TRPC4AP: variants seen among roughly 807,000 people sequenced by gnomAD.
The protein encoded by TRPC4AP is short transient receptor potential channel 4-associated protein.
A neutral mutation model predicts 99.0 loss-of-function variants in TRPC4AP; 45 were observed. That is an observed-to-expected ratio of 0.45 (90% CI 0.36 to 0.58). The LOEUF (loss-of-function observed/expected upper bound fraction) is 0.58, where lower values mean the gene tolerates loss of function less well. TRPC4AP is among the 20% of genes least tolerant of loss of function. TRPC4AP has a pLI of 0.00. For missense variants in TRPC4AP, 879 were observed against 985.3 expected (o/e 0.89, Z 1.44); for synonymous variants, 408 against 385.8 (o/e 1.06, Z -0.67).
intron 3 of TRPC4AP, among the ~76,000 whole-genome samples, chr20:35,068,984 A>AAC (rs1555914268): frequency 0.12 from 17,489 of 140,208 alleles, 1,438 homozygotes; most frequent in Non-Finnish European, 0.17. Flanking sequence ...CACACAAAAA[A>AAC]AACAAAACAT....
intron 4 of TRPC4AP, among the ~76,000 whole-genome samples, chr20:35,056,858 C>T (rs868702418): frequency 6.6e-6 from 1 of 150,884 alleles, no homozygotes; most frequent in Non-Finnish European, 1.5e-5. Flanking sequence ...TGGTGGTGGG[C>T]GCCTGTAATC....
intron 8 of TRPC4AP, among the ~76,000 whole-genome samples, chr20:35,028,901 T>C (rs1306361816): frequency 6.6e-6 from 1 of 150,836 alleles, no homozygotes; most frequent in African/African-American, 2.4e-5. Flanking sequence ...GGTTTCACCC[T>C]GTTATTATCA....
chr20:35,010,872 CACAGCTTCCCACTG>C, intron 11 of TRPC4AP, among the ~76,000 whole-genome samples: 1 of 152,330 alleles, frequency 6.6e-6, no homozygotes, highest in African/African-American at 2.4e-5. Flanking sequence ...AAAACACTTC[CACAGCTTCCCACTG>C]CATTTAGAAC....
intron 6 of TRPC4AP, among the ~76,000 whole-genome samples, chr20:35,048,011 A>G (rs970038274): frequency 6.6e-6 from 1 of 151,980 alleles, no homozygotes; most frequent in Non-Finnish European, 1.5e-5. Context: ...GTTTCCACTG[A>G]TACACACACT....
intron 7 of TRPC4AP, 73 bp downstream of exon 7, chr20:35,044,432 G>C (rs1051713846): frequency 8.3e-7 from 1 of 1,201,126 alleles, no homozygotes; most frequent in Non-Finnish European, 1.1e-6. Flanking sequence ...AAAAGAAAAA[G>C]AAAAAAAACT....
intron 17 of TRPC4AP, 113 bp downstream of exon 17, chr20:35,004,344 TG>T: frequency 2.4e-6 from 2 of 839,688 alleles, no homozygotes; most frequent in Non-Finnish European, 3.9e-6. Context: ...TCAGAAGAGC[TG>T]GGTCTCCAGA....
intron 9 of TRPC4AP, 114 bp downstream of exon 9, chr20:35,021,076 G>A (rs1218119063): frequency 8.6e-7 from 1 of 1,167,502 alleles, no homozygotes; most frequent in Non-Finnish European, 1.2e-6. Flanking sequence ...CCTATGCTTT[G>A]CCAGGCTAAA....
At position 35,024,825 on chromosome 20, in the gene TRPC4AP, C is replaced by CCAAAAAAAAAAAAAAAA. The variant is rs1555904985; in HGVS notation, c.1052-3470_1052-3469insTTTTTTTTTTTTTTTTG. Among the ~76,000 whole-genome samples the CCAAAAAAAAAAAAAAAA allele has an allele frequency of 6.1e-4, 22 of 35,870 alleles. 4 individuals are homozygous for CCAAAAAAAAAAAAAAAA. Among genetic ancestry groups the CCAAAAAAAAAAAAAAAA allele is most frequent in the African/African-American group, 1.3e-3 (11 of 8,752 alleles). The allele number at this position is 35,870 out of a possible 152,430, so 23.5% of individuals were successfully genotyped here. ...CCTAGGTGACAGAGAGAGACCGTCT[C>CCAAAAAAAAAAAAAAAA]AAAAAAAAAAAAAAAAAAAAAAAAA... On this transcript the variant is annotated intron_variant, in intron 8 of 18. Transcript: ENST00000252015.
Position 35,092,643 on chromosome 20 carries a change from T to A in TRPC4AP, c.139A>T (p.Thr47Ser), listed in dbSNP as rs2085108341. 14 of 1,352,982 alleles carry A rather than the reference T, an allele frequency of 1.0e-5. No homozygotes were observed. Among genetic ancestry groups the A allele is most frequent in the Non-Finnish European group, 1.3e-5 (14 of 1,039,920 alleles). 83.8% of individuals were successfully genotyped at this position (1,352,982 alleles called of 1,614,324 possible). The part of the protein sequence containing the change: ...ILLQLRQGQL[T>S]GRGLVRAVQF... Reference sequence around the variant, plus strand: ...ACCGCCCGGACCAGGCCCCGGCCGGTCAGCTGGCCCTGCCGCAGCTGCAGC... The same window carrying A: ...ACCGCCCGGACCAGGCCCCGGCCGGACAGCTGGCCCTGCCGCAGCTGCAGC... The change falls in exon 1 of 19, where the codon ACC (threonine) becomes TCC (serine). Residue 47 changes from threonine (T) to serine (S), a missense_variant. Transcript: ENST00000252015.
At chr20:35,014,574 A>C (rs1347465996) in intron 10 of TRPC4AP, among the ~76,000 whole-genome samples, 2 of 152,228 alleles carry the variant, frequency 1.3e-5, no homozygotes, top group African/African-American at 4.8e-5. Context: ...AATATGCAGC[A>C]GAAAAAAGAT....
In TRPC4AP at chr20:35,086,533, G is replaced by GTATATATATATGTGTATATATATATA. The variant is rs1308760481; in HGVS notation, c.168+6080_168+6081insTATATATATATACACATATATATATA. On this transcript the variant is annotated intron_variant, in intron 1 of 18. Coordinates refer to ENST00000252015, the MANE Select transcript of TRPC4AP (RefSeq NM_015638.3). Reference sequence around the variant, plus strand: ...TGTGTGTGTGTGTATATATGTGTGTGTGTGTGTGTGTGTGTGTGTGTGTGT... The same window carrying GTATATATATATGTGTATATATATATA: ...TGTGTGTGTGTGTATATATGTGTGTGTATATATATATGTGTATATATATATATGTGTGTGTGTGTGTGTGTGTGTGT... Among the ~76,000 whole-genome samples the GTATATATATATGTGTATATATATATA allele has an allele frequency of 5.2e-3, 385 of 73,478 alleles. 24 individuals carry two copies. Among genetic ancestry groups the GTATATATATATGTGTATATATATATA allele is most frequent in the Middle Eastern group, 0.017 (3 of 180 alleles). 48.2% of individuals were successfully genotyped at this position (73,478 alleles called of 152,430 possible). A position where few individuals can be genotyped will look rare whatever the true frequency, so the allele number is the denominator to read the frequency against.
At chr20:35,014,259 T>C (rs2082700300) in intron 10 of TRPC4AP, among the ~76,000 whole-genome samples, 1 of 150,966 alleles carries the variant, frequency 6.6e-6, no homozygotes, top group Non-Finnish European at 1.5e-5. Flanking sequence ...TGGAGTGAAA[T>C]GAGATCCCCA....
At chr20:35,038,238 TA>T (rs1330447615) in intron 7 of TRPC4AP, among the ~76,000 whole-genome samples, 3 of 150,116 alleles carry the variant, frequency 2.0e-5, no homozygotes, top group African/African-American at 7.4e-5. Context: ...TCCATCTCCA[TA>T]AAATAATTAC....
At chr20:35,069,482 T>A in intron 2 of TRPC4AP, 70 bp from the exon 3 acceptor site, 1 of 994,392 alleles carries the variant, frequency 1.0e-6, no homozygotes, top group Non-Finnish European at 1.6e-6. Flanking sequence ...AAAGCATCAG[T>A]TTGAGCTTTA....
chr20:35,036,960 A>C (rs201023294), intron 7 of TRPC4AP, among the ~76,000 whole-genome samples: 11 of 149,588 alleles, frequency 7.4e-5, no homozygotes, highest in Non-Finnish European at 1.5e-4. Flanking sequence ...TGCGCACACA[A>C]ACACACACAC....
At chr20:35,066,326 C>CT (rs2084144176) in intron 3 of TRPC4AP, among the ~76,000 whole-genome samples, 1 of 152,094 alleles carries the variant, frequency 6.6e-6, no homozygotes, top group African/African-American at 2.4e-5. Context: ...AGGCTGGTCT[C>CT]TAACTCCTCA....
chr20:35,086,431 ATGTGTGTGTGTGTGTGTGTGTGTGTG>A (rs150231202), intron 1 of TRPC4AP, among the ~76,000 whole-genome samples: 6 of 109,528 alleles, frequency 5.5e-5, no homozygotes, highest in East Asian at 5.6e-4. Flanking sequence ...TGAATGGCAT[ATGTGTGTGTGTGTGTGTGTGTGTGTG>A]TGTGTGTGTG....
intron 8 of TRPC4AP, among the ~76,000 whole-genome samples, chr20:35,024,130 C>CGTT (rs1555904787): frequency 6.8e-6 from 1 of 146,342 alleles, no homozygotes; most frequent in Admixed American, 6.8e-5. Context: ...TGCACACTCA[C>CGTT]TTTTTTTTTT....
At chr20:35,039,769 C>G (rs2083406270) in intron 7 of TRPC4AP, among the ~76,000 whole-genome samples, 2 of 152,046 alleles carry the variant, frequency 1.3e-5, no homozygotes, top group Admixed American at 1.3e-4. Flanking sequence ...CAGAAGGAAA[C>G]CAGCTGTTCT....
Sources: allele counts gnomAD v4.1 joint callset (sites outside exome capture counted in the v4.1 genomes callset), GRCh38; gene constraint gnomAD v4.1.1; transcripts MANE v1.5; gene names NCBI Gene and HGNC (gene_info 2026-07-23, HGNC 2026-07-21).